CDC14A: variants seen among roughly 807,000 people sequenced by gnomAD.
CDC14A encodes cell division cycle 14A, also known as dual specificity protein phosphatase CDC14A.
A neutral mutation model predicts 74.4 loss-of-function variants in CDC14A; 53 were observed. The observed-to-expected ratio is 0.71, with a 90% CI of 0.57 to 0.89. The LOEUF (loss-of-function observed/expected upper bound fraction) is 0.89. Ranked by LOEUF, CDC14A falls within the 40% of genes least tolerant of loss-of-function variation. The pLI is 0.00. For synonymous variants in CDC14A, 247 were observed against 258.4 expected, an observed-to-expected ratio of 0.96 and a Z score of 0.43; for missense variants, 646 against 713.7, an observed-to-expected ratio of 0.91 and a Z score of 1.08.
chr1:100,373,112 T>C (rs1405642758), intron 2 of CDC14A, among the ~76,000 whole-genome samples: 1 of 152,238 alleles, frequency 6.6e-6, no homozygotes, highest in East Asian at 1.9e-4. Context: ...ATACACCTTC[T>C]TCACTAAGCT....
chr1:100,419,854 C>G (rs541146979), intron 4 of CDC14A, among the ~76,000 whole-genome samples: 5 of 151,688 alleles, frequency 3.3e-5, no homozygotes, highest in Admixed American at 6.6e-5. Flanking sequence ...TTTGTTTCCT[C>G]TTTTTCACAC....
intron 15 of CDC14A, among the ~76,000 whole-genome samples, chr1:100,501,836 C>G (rs1020712033): frequency 6.6e-6 from 1 of 151,552 alleles, no homozygotes; most frequent in African/African-American, 2.4e-5. Flanking sequence ...TGGTGTAGGC[C>G]CAGGCTAATG....
At chr1:100,484,032 C>A (rs573868106) in intron 10 of CDC14A, among the ~76,000 whole-genome samples, 1 of 152,186 alleles carries the variant, frequency 6.6e-6, no homozygotes, top group South Asian at 2.1e-4. Context: ...TTGTTCTAAG[C>A]ATCTGAGGAC....
intron 2 of CDC14A, among the ~76,000 whole-genome samples, chr1:100,357,578 A>T (rs12405316): frequency 0.26 from 39,821 of 151,918 alleles, 6,211 homozygotes; most frequent in Non-Finnish European, 0.34. Flanking sequence ...AGGCCTTTGT[A>T]CTGTGTAATT....
At chr1:100,370,972 A>G (rs1368592686) in intron 2 of CDC14A, among the ~76,000 whole-genome samples, 1 of 151,950 alleles carries the variant, frequency 6.6e-6, no homozygotes, top group Non-Finnish European at 1.5e-5. Flanking sequence ...TGTTGTCTGT[A>G]ATTTCTTTTA....
At chr1:100,345,939 G>A (rs1650378690) in intron 1 of CDC14A, among the ~76,000 whole-genome samples, 1 of 152,176 alleles carries the variant, frequency 6.6e-6, no homozygotes, top group African/African-American at 2.4e-5. Flanking sequence ...TAGGGAGGCC[G>A]AGGTGGGCAG....
At chr1:100,465,470 T>C (rs1667710956) in intron 9 of CDC14A, among the ~76,000 whole-genome samples, 1 of 152,256 alleles carries the variant, frequency 6.6e-6, no homozygotes. Context: ...ACTTATCTAC[T>C]ATAGGCTTAT....
intron 1 of CDC14A, among the ~76,000 whole-genome samples, chr1:100,347,311 T>C (rs1463056669): frequency 6.6e-6 from 1 of 152,228 alleles, no homozygotes; most frequent in Non-Finnish European, 1.5e-5. Context: ...AAGGAACTAT[T>C]GTGTAGAAGC....
intron 8 of CDC14A, among the ~76,000 whole-genome samples, chr1:100,461,362 C>T (rs2101215212): frequency 6.6e-6 from 1 of 152,358 alleles, no homozygotes; most frequent in Middle Eastern, 3.4e-3. Flanking sequence ...GAGCTGAGAG[C>T]TGACTAGCAT....
chr1:100,516,980 C>T (rs768154261), intron 15 of CDC14A, among the ~76,000 whole-genome samples: 9 of 152,208 alleles, frequency 5.9e-5, no homozygotes, highest in Non-Finnish European at 1.2e-4. Context: ...TCACCTAAGC[C>T]TTTCCTGGTG....
chr1:100,475,436 A>G (rs1033678030), intron 10 of CDC14A, among the ~76,000 whole-genome samples: 2 of 152,168 alleles, frequency 1.3e-5, no homozygotes, highest in Non-Finnish European at 2.9e-5. Context: ...GTCAATGTCA[A>G]TGTGAGAAAA....
At chr1:100,346,317 A>G (rs1211678471) in intron 1 of CDC14A, among the ~76,000 whole-genome samples, 1 of 152,136 alleles carries the variant, frequency 6.6e-6, no homozygotes, top group African/African-American at 2.4e-5. Flanking sequence ...AAAAATGTTC[A>G]CTTATTTTTT....
At chr1:100,443,123 T>A in intron 7 of CDC14A, 127 bp downstream of exon 7, 1 of 653,756 alleles carries the variant, frequency 1.5e-6, no homozygotes, top group Non-Finnish European at 2.6e-6. Context: ...TCCATAGTGG[T>A]CAGTTTTGTC....
chr1:100,434,896 C>T (rs77803592), intron 5 of CDC14A, among the ~76,000 whole-genome samples: 3,008 of 152,258 alleles, frequency 0.02, 108 homozygotes, highest in African/African-American at 0.069. Context: ...GGGTCATTGG[C>T]AGATAGATGG....
At chr1:100,457,364 C>A (rs1666809640) in intron 8 of CDC14A, among the ~76,000 whole-genome samples, 1 of 152,142 alleles carries the variant, frequency 6.6e-6, no homozygotes, top group African/African-American at 2.4e-5. Flanking sequence ...CTTTTTATAG[C>A]AGTAAATGAA....
chr1:100,431,222 A>G (rs1663631945), intron 5 of CDC14A, among the ~76,000 whole-genome samples: 2 of 152,116 alleles, frequency 1.3e-5, no homozygotes, highest in Admixed American at 6.5e-5. Flanking sequence ...GAGGTGAGTT[A>G]TATTATTCTA....
intron 2 of CDC14A, among the ~76,000 whole-genome samples, chr1:100,371,561 T>A (rs957457572): frequency 5.3e-5 from 8 of 152,178 alleles, no homozygotes; most frequent in Admixed American, 2.0e-4. Context: ...GATCACATTT[T>A]AAAAAAATGT....
At chr1:100,450,010 T>TG (rs1197727513) in intron 7 of CDC14A, among the ~76,000 whole-genome samples, 7 of 123,282 alleles carry the variant, frequency 5.7e-5, no homozygotes, top group African/African-American at 3.5e-4. Flanking sequence ...AAGAGTGAGG[T>TG]TTTTTTTTTT....
Position 100,484,460 on chromosome 1 carries a change from TC to T in CDC14A, c.1137+12del, listed in dbSNP as rs1669830118. The stretch of plus-strand genomic sequence containing the variant: ...TGGAACGATTTGGAGAGGTAAGTTT[TC>T]CCTAGGAGATTCTATCTTCTTAAAA... On this transcript the variant is annotated intron_variant, in intron 11 of 15. Coordinates refer to ENST00000336454, the MANE Select transcript of CDC14A (RefSeq NM_003672.4). 1.3e-6 allele frequency: 2 copies of T among 1,592,680 alleles called. No individual in the cohort carries two copies. Among genetic ancestry groups the T allele is most frequent in the South Asian group, 2.3e-5 (2 of 87,028 alleles).
Sources: gnomAD v4.1 joint callset for allele counts (sites outside exome capture counted in the v4.1 genomes callset) on GRCh38, gnomAD v4.1.1 for gene constraint, MANE v1.5 for transcripts, NCBI Gene and HGNC (gene_info 2026-07-23, HGNC 2026-07-21) for gene names.